Variants in ZEB2 observed in about 807,000 individuals in gnomAD.
ZEB2 encodes the protein zinc finger E-box-binding homeobox 2.
A neutral mutation model predicts 99.9 loss-of-function variants in ZEB2; 6 were observed. That is an observed-to-expected ratio of 0.06 (90% CI 0.03 to 0.12). The LOEUF is 0.12. Among genes scored for constraint, ZEB2 ranks in the 10% least tolerant of loss-of-function variants. The pLI is 1.00. For synonymous variants in ZEB2, 517 were observed against 542.5 expected (o/e 0.95, Z 0.65); for missense variants, 969 against 1,502.8 (o/e 0.64, Z 5.87).
At chr2:144,424,896 G>C (rs1254683626) in intron 3 of ZEB2, 29 bp from the exon 4 acceptor site, 1 of 1,610,606 alleles carries the variant, frequency 6.2e-7, no homozygotes, top group Non-Finnish European at 8.5e-7. Flanking sequence ...TTTAGCATTT[G>C]AGAATTGTAG....
intron 1 of ZEB2, 83 bp from the exon 2 acceptor site, chr2:144,517,502 G>GC: frequency 3.2e-6 from 3 of 925,256 alleles, no homozygotes; most frequent in Non-Finnish European, 5.1e-6. Flanking sequence ...GCCGGGCCAG[G>GC]GCCCCGGCGA....
intron 9 of ZEB2, among the ~76,000 whole-genome samples, chr2:144,394,040 G>A (rs1703188058): frequency 6.6e-6 from 1 of 152,074 alleles, no homozygotes; most frequent in African/African-American, 2.4e-5. Flanking sequence ...TCCTGCCTTA[G>A]CCTCCCAAGT....
chr2:144,501,617 G>A (rs891338980), intron 2 of ZEB2, among the ~76,000 whole-genome samples: 2 of 152,152 alleles, frequency 1.3e-5, no homozygotes, highest in African/African-American at 4.8e-5. Context: ...CCAAGATAGG[G>A]GTTGGGGGTT....
intron 3 of ZEB2, chr2:144,428,067 G>C (rs1246699393): frequency 2.0e-5 from 3 of 152,120 alleles, no homozygotes; most frequent in South Asian, 2.1e-4. Flanking sequence ...TTTTAAAAGA[G>C]GTTTGGGGCT....
At chr2:144,478,758 T>C (rs916932142) in intron 2 of ZEB2, among the ~76,000 whole-genome samples, 5 of 152,278 alleles carry the variant, frequency 3.3e-5, no homozygotes, top group Non-Finnish European at 7.3e-5. Context: ...CTATGCTCTC[T>C]GTTACTGCTA....
chr2:144,491,489 G>A (rs992654467), intron 2 of ZEB2, among the ~76,000 whole-genome samples: 9 of 152,026 alleles, frequency 5.9e-5, no homozygotes, highest in African/African-American at 2.2e-4. Flanking sequence ...ATTTCATCAT[G>A]TACATGTAGA....
chr2:144,403,828 G>GC (rs1703345561), intron 6 of ZEB2, 88 bp downstream of exon 6: 1 of 1,552,166 alleles, frequency 6.4e-7, no homozygotes, highest in African/African-American at 1.4e-5. Context: ...AAAATGCCAT[G>GC]AAAAATTAAT....
intron 2 of ZEB2, among the ~76,000 whole-genome samples, chr2:144,499,979 T>C (rs1704846303): frequency 6.6e-6 from 1 of 152,214 alleles, no homozygotes; most frequent in African/African-American, 2.4e-5. Context: ...AGAAAAAAGA[T>C]ACAGAATGCA....
At chr2:144,436,981 C>T (rs1339456750) in intron 2 of ZEB2, among the ~76,000 whole-genome samples, 2 of 152,048 alleles carry the variant, frequency 1.3e-5, no homozygotes, top group African/African-American at 2.4e-5. Flanking sequence ...TAAACATATT[C>T]GGGTTTTCCT....
chr2:144,464,137 T>C (rs903619724), intron 2 of ZEB2: 1 of 152,164 alleles, frequency 6.6e-6, no homozygotes, highest in African/African-American at 2.4e-5. Context: ...TGTGTGATAT[T>C]GTGCAGTTTA....
intron 2 of ZEB2, among the ~76,000 whole-genome samples, chr2:144,456,109 G>C (rs188772635): frequency 6.7e-6 from 1 of 148,808 alleles, no homozygotes; most frequent in Non-Finnish European, 1.5e-5. Context: ...TCCCAAGTTT[G>C]TTCCATTGTT....
Position 144,398,709 on chromosome 2 carries a change from T to A in ZEB2, c.2478A>T (p.Glu826Asp), listed in dbSNP as rs1446211072. Residue 826 changes from glutamate (E) to aspartate (D), a missense_variant, in exon 8 of 10, where the codon GAA (glutamate) becomes GAT (aspartate). Coordinates refer to ENST00000627532, the MANE Select transcript of ZEB2 (RefSeq NM_014795.4). ...TCTTTGTGGCTATAATACTTTTGGG[T>A]TCTTTCATTTGTTTTGGTAATGACA... is the stretch of plus-strand genomic sequence containing the variant. ...LDLSLPKQMKEPKSIIATKNK... is the reference protein window; with the variant it reads ...LDLSLPKQMKDPKSIIATKNK... The A allele has an allele frequency of 6.2e-7, 1 of 1,614,048 alleles. No individual in the cohort carries two copies. Among genetic ancestry groups the A allele is most frequent in the Non-Finnish European group, 8.5e-7 (1 of 1,180,028 alleles).
intron 2 of ZEB2, among the ~76,000 whole-genome samples, chr2:144,492,477 C>T (rs1277379680): frequency 6.6e-6 from 1 of 152,094 alleles, no homozygotes; most frequent in Non-Finnish European, 1.5e-5. Context: ...TCCCAACTGC[C>T]CTATAACATG....
At position 144,399,342 on chromosome 2, in the gene ZEB2, C is replaced by A. The variant is rs757485792; in HGVS notation, c.1845G>T (p.Gln615His). Residue 615 changes from glutamine (Q) to histidine (H), a missense_variant, in exon 8 of 10, where the codon CAG becomes CAT. This residue lies in a region of ZEB2 where 346 missense variants were observed against 460.0 expected (regional missense o/e 0.75). Transcript: ENST00000627532. The surrounding 1 kb of genome is among the most constrained non-coding windows in gnomAD (Gnocchi z 5.6). ...KMNEEIKAVL[Q>H]PHENIVPNKA... is the part of the protein sequence containing the mutation. ...TGTTGGGGACTATGTTTTCATGAGG[C>A]TGCAGGACCGCCTTGATCTCTTCAT... 6 of 1,614,124 alleles carry A rather than the reference C, an allele frequency of 3.7e-6. No homozygotes were observed. In the Admixed American group the frequency reaches 1.0e-4, roughly 27 times the overall value.
chr2:144,430,680 G>T, intron 2 of ZEB2: 1 of 165,446 alleles, frequency 6.0e-6, no homozygotes. Context: ...TCTTCATAGT[G>T]TCATAATTAC....
chr2:144,479,900 T>G (rs1278189761), intron 2 of ZEB2, among the ~76,000 whole-genome samples: 1 of 152,126 alleles, frequency 6.6e-6, no homozygotes, highest in African/African-American at 2.4e-5. Flanking sequence ...CCCAAGACGA[T>G]GCACAAGCCC....
chr2:144,430,062 T>C (rs928781881), intron 2 of ZEB2, 36 bp from the exon 3 acceptor site: 1 of 1,608,606 alleles, frequency 6.2e-7, no homozygotes, highest in South Asian at 1.1e-5. Flanking sequence ...CTCTAAACAC[T>C]CTGTTGAGAA....
intron 2 of ZEB2, 119 bp downstream of exon 2, chr2:144,517,159 C>CTA: frequency 7.3e-7 from 1 of 1,366,412 alleles, no homozygotes; most frequent in South Asian, 1.2e-5. Context: ...GAGGCTCGCC[C>CTA]TAGAGCCCTG....
intron 9 of ZEB2, among the ~76,000 whole-genome samples, chr2:144,394,172 C>T (rs750871272): frequency 6.6e-6 from 1 of 152,204 alleles, no homozygotes; most frequent in Non-Finnish European, 1.5e-5. Flanking sequence ...CCACCTGCCT[C>T]TGCCTCCAAA....
Sources: allele counts gnomAD v4.1 joint callset (sites outside exome capture counted in the v4.1 genomes callset), GRCh38; gene constraint gnomAD v4.1.1; regional missense constraint gnomAD v4.1.1; non-coding constraint Gnocchi (gnomAD v3.1); transcripts MANE v1.5; gene names NCBI Gene and HGNC (gene_info 2026-07-23, HGNC 2026-07-21).